The following MYLK variants were observed in gnomAD, a reference collection of about 807,000 sequenced individuals.
MYLK encodes myosin light chain kinase, smooth muscle.
A neutral mutation model predicts 203.4 loss-of-function variants in MYLK; 106 were observed. The observed-to-expected ratio is 0.52, with a 90% CI of 0.45 to 0.61. The LOEUF is 0.61. Ranked by LOEUF, MYLK falls within the 20% of genes least tolerant of loss-of-function variation. MYLK has a pLI of 0.00. For missense variants in MYLK, 2,072 were observed against 2,442.3 expected (o/e 0.85, Z 3.20); for synonymous variants, 867 against 959.5 (o/e 0.90, Z 1.78).
In MYLK at chr3:123,878,817, G is replaced by A. The variant is rs574761060; in HGVS notation, c.-185-2200C>T. On this transcript the variant is annotated intron_variant, in intron 1 of 33. Coordinates refer to ENST00000360304, the MANE Select transcript of MYLK (RefSeq NM_053025.4). The stretch of plus-strand genomic sequence containing the variant: ...TTCTCTTGCCCCAGCCTCCCGAGTA[G>A]CTGGGATTACAGGAGGCTGCCATCA... 2.8e-4 allele frequency among the ~76,000 whole-genome samples: 42 copies of A among 152,308 alleles called. No individual in the cohort carries two copies. The South Asian group carries it at 4.1e-3, about 15-fold the overall frequency.
chr3:123,628,002 CT>C (rs552602548), intron 30 of MYLK, among the ~76,000 whole-genome samples: 15 of 152,172 alleles, frequency 9.9e-5, no homozygotes, highest in South Asian at 4.1e-4. Context: ...AAAAGCCATC[CT>C]TGTACCAGAG....
intron 16 of MYLK, among the ~76,000 whole-genome samples, chr3:123,702,613 G>A (rs968739877): frequency 1.3e-5 from 2 of 152,158 alleles, no homozygotes; most frequent in Non-Finnish European, 2.9e-5. Flanking sequence ...TTCTTTACAT[G>A]AGCCATCTCA....
intron 8 of MYLK, 55 bp from the exon 9 acceptor site, chr3:123,735,471 A>C: frequency 6.2e-7 from 1 of 1,607,674 alleles, no homozygotes; most frequent in Non-Finnish European, 8.5e-7. Flanking sequence ...TATACACCAA[A>C]ATTTCCCTCC....
chr3:123,633,725 C>T (rs1382130208), intron 29 of MYLK, among the ~76,000 whole-genome samples: 1 of 152,162 alleles, frequency 6.6e-6, no homozygotes, highest in Non-Finnish European at 1.5e-5. Context: ...CAGCTCATTG[C>T]CAAAGAAATT....
intron 4 of MYLK, among the ~76,000 whole-genome samples, chr3:123,783,548 T>C (rs1463881864): frequency 2.0e-5 from 3 of 152,184 alleles, no homozygotes; most frequent in Non-Finnish European, 4.4e-5. Flanking sequence ...AATCTGGACA[T>C]TGAACTCAGA....
At position 123,831,538 on chromosome 3, in the gene MYLK, G is replaced by T; in HGVS notation, c.-4+10C>A. ...TGGTCAACAGCATAATGTAAACTCT[G>T]TTCACTCACCACCGTCTTCTCTGTT... On this transcript the variant is annotated intron_variant, in intron 3 of 33. Coordinates refer to ENST00000360304, the MANE Select transcript of MYLK (RefSeq NM_053025.4). The T allele has an allele frequency of 1.4e-6, 1 of 699,348 alleles. No homozygotes were observed. The highest frequency in any genetic ancestry group is 2.0e-6 in the Non-Finnish European group (1 of 499,376). 43.3% of individuals were successfully genotyped at this position (699,348 alleles called of 1,614,324 possible).
At chr3:123,792,607 A>C (rs1401560536) in intron 4 of MYLK, among the ~76,000 whole-genome samples, 2 of 152,278 alleles carry the variant, frequency 1.3e-5, no homozygotes, top group Admixed American at 6.5e-5. Flanking sequence ...GTGTTATAGC[A>C]TGAGTCAGTA....
At chr3:123,840,606 A>T (rs2066569486) in intron 2 of MYLK, among the ~76,000 whole-genome samples, 1 of 151,768 alleles carries the variant, frequency 6.6e-6, no homozygotes, top group South Asian at 2.1e-4. Flanking sequence ...AGACATTATA[A>T]AAAAAACCAT....
At chr3:123,729,786 T>A (rs2062413539) in intron 11 of MYLK, among the ~76,000 whole-genome samples, 1 of 149,808 alleles carries the variant, frequency 6.7e-6, no homozygotes, top group African/African-American at 2.5e-5. Flanking sequence ...GAGGCTGAGG[T>A]GGGAAGGATC....
At chr3:123,854,656 C>T (rs1017719209) in intron 2 of MYLK, among the ~76,000 whole-genome samples, 3 of 152,116 alleles carry the variant, frequency 2.0e-5, no homozygotes, top group African/African-American at 7.2e-5. Context: ...ACAGTGTTTC[C>T]TATCTGTGGG....
intron 13 of MYLK, among the ~76,000 whole-genome samples, chr3:123,715,133 C>A (rs1208032236): frequency 2.0e-5 from 3 of 152,212 alleles, no homozygotes; most frequent in African/African-American, 7.2e-5. Context: ...TCCGTCCTTG[C>A]CATTTTGGCT....
intron 23 of MYLK, among the ~76,000 whole-genome samples, chr3:123,661,730 A>C (rs2059568476): frequency 6.6e-6 from 1 of 152,200 alleles, no homozygotes; most frequent in Non-Finnish European, 1.5e-5. Flanking sequence ...AGAGGAACAG[A>C]GCAAGAGAGA....
chr3:123,812,697 G>A (rs1304485604), intron 3 of MYLK, among the ~76,000 whole-genome samples: 1 of 152,210 alleles, frequency 6.6e-6, no homozygotes, highest in East Asian at 1.9e-4. Flanking sequence ...GGAAATCCCT[G>A]ATGCAGGGCC....
intron 29 of MYLK, among the ~76,000 whole-genome samples, chr3:123,636,876 C>T (rs570732524): frequency 5.1e-4 from 77 of 152,312 alleles, no homozygotes; most frequent in African/African-American, 1.8e-3. Context: ...GTGCAGGTTC[C>T]ACTGAGGGGA....
At chr3:123,649,732 A>G (rs950931291) in intron 24 of MYLK, among the ~76,000 whole-genome samples, 2 of 152,232 alleles carry the variant, frequency 1.3e-5, no homozygotes, top group Non-Finnish European at 2.9e-5. Context: ...ATTTAGTTCA[A>G]GAGGCAAAAA....
At chr3:123,634,921 G>A (rs931985898) in intron 29 of MYLK, among the ~76,000 whole-genome samples, 10 of 152,234 alleles carry the variant, frequency 6.6e-5, no homozygotes, top group African/African-American at 2.4e-4. Context: ...AGGTCTCTAG[G>A]TACTCACACA....
chr3:123,663,480 A>G (rs942186946), intron 23 of MYLK, among the ~76,000 whole-genome samples: 3 of 152,136 alleles, frequency 2.0e-5, no homozygotes, highest in Admixed American at 1.3e-4. Flanking sequence ...CCCCTGTCAG[A>G]GAGAGAAGGT....
intron 2 of MYLK, among the ~76,000 whole-genome samples, chr3:123,838,398 C>T (rs1156626621): frequency 6.6e-6 from 1 of 152,040 alleles, no homozygotes; most frequent in Non-Finnish European, 1.5e-5. Context: ...ATAATGAGAA[C>T]TAGAAAGAAA....
intron 11 of MYLK, among the ~76,000 whole-genome samples, chr3:123,729,222 G>A (rs747442598): frequency 2.6e-5 from 4 of 152,140 alleles, no homozygotes; most frequent in South Asian, 4.1e-4. Context: ...GAAGATGGGC[G>A]TAACACACAC....
Sources: gnomAD v4.1 joint callset for allele counts (sites outside exome capture counted in the v4.1 genomes callset) on GRCh38, gnomAD v4.1.1 for gene constraint, MANE v1.5 for transcripts, NCBI Gene and HGNC (gene_info 2026-07-23, HGNC 2026-07-21) for gene names.